Variants in PLB1 observed in about 807,000 individuals in gnomAD.
The protein encoded by PLB1 is phospholipase B1, also known as phospholipase B1, membrane-associated.
PLB1 carries 242 observed loss-of-function variants against 227.4 expected under a neutral mutation model. That is an observed-to-expected ratio of 1.06 (90% confidence interval 0.96 to 1.18). The LOEUF is 1.18. Ranked by LOEUF, PLB1 falls within the 50% of genes most tolerant of loss-of-function variation. PLB1 has a pLI of 0.00. For missense variants in PLB1, 1,858 were observed against 1,816.3 expected (o/e 1.02, Z -0.42); for synonymous variants, 757 against 682.2 (o/e 1.11, Z -1.71).
intron 29 of PLB1, among the ~76,000 whole-genome samples, 158 bp from the exon 30 acceptor site, chr2:28,590,975 C>T (rs1681811197): frequency 1.3e-5 from 2 of 152,330 alleles, no homozygotes; most frequent in African/African-American, 4.8e-5. Flanking sequence ...GAGACGGCCC[C>T]CTGCATCTTG....
intron 43 of PLB1, among the ~76,000 whole-genome samples, chr2:28,612,157 C>A (rs371741066): frequency 2.0e-5 from 3 of 152,156 alleles, no homozygotes; most frequent in South Asian, 4.1e-4. Flanking sequence ...AAAAAGCAAG[C>A]AAGAAAGAAA....
At chr2:28,635,597 C>T (rs538601172) in intron 56 of PLB1, among the ~76,000 whole-genome samples, 1 of 152,376 alleles carries the variant, frequency 6.6e-6, no homozygotes, top group East Asian at 1.9e-4. Context: ...CAGGCTTTGG[C>T]TGATGTTCCC....
chr2:28,640,898 G>T, intron 56 of PLB1, 29 bp from the exon 57 acceptor site: 6 of 1,601,440 alleles, frequency 3.7e-6, no homozygotes, highest in Non-Finnish European at 5.1e-6. Context: ...GCTTTGGAGA[G>T]AATCGAGGTG....
chr2:28,522,977 C>G (rs1013445117), intron 4 of PLB1, among the ~76,000 whole-genome samples: 2 of 152,192 alleles, frequency 1.3e-5, no homozygotes, highest in Non-Finnish European at 2.9e-5. Context: ...GCTGACATCT[C>G]TGCCTTGAGT....
At chr2:28,628,743 C>T (rs1319095294) in intron 52 of PLB1, 115 bp downstream of exon 52, 8 of 1,037,840 alleles carry the variant, frequency 7.7e-6, no homozygotes, top group Non-Finnish European at 1.2e-5. Context: ...GAGTGAGCAC[C>T]TGGATGGCAG....
chr2:28,642,058 G>A (rs1389380991), intron 57 of PLB1, among the ~76,000 whole-genome samples: 1 of 152,170 alleles, frequency 6.6e-6, no homozygotes, highest in Non-Finnish European at 1.5e-5. Flanking sequence ...TCTGCTATGA[G>A]AACATCCGCC....
chr2:28,591,873 C>A, intron 31 of PLB1, 113 bp downstream of exon 31: 2 of 1,085,696 alleles, frequency 1.8e-6, no homozygotes, highest in Non-Finnish European at 2.7e-6. Context: ...ACGGCCAGTG[C>A]TTGCTGTCTG....
intron 49 of PLB1, among the ~76,000 whole-genome samples, chr2:28,624,225 C>T (rs527274242): frequency 6.6e-6 from 1 of 152,310 alleles, no homozygotes; most frequent in South Asian, 2.1e-4. Flanking sequence ...CTTCCTGTCC[C>T]TACCTCACAC....
intron 50 of PLB1, among the ~76,000 whole-genome samples, chr2:28,626,081 T>C (rs1191206374): frequency 6.6e-6 from 1 of 151,776 alleles, no homozygotes; most frequent in Non-Finnish European, 1.5e-5. Context: ...CTGCAGCATC[T>C]GCCTCCTGGG....
chr2:28,496,220 G>A (rs1666416855), intron 1 of PLB1, 51 bp downstream of exon 1: 2 of 1,557,992 alleles, frequency 1.3e-6, no homozygotes, highest in African/African-American at 2.7e-5. Context: ...CCCCGCTGGT[G>A]TCCCATGTTG....
intron 54 of PLB1, 46 bp from the exon 55 acceptor site, chr2:28,631,989 GT>G: frequency 6.6e-7 from 1 of 1,511,848 alleles, no homozygotes; most frequent in Non-Finnish European, 9.2e-7. Context: ...GACCCTGTCT[GT>G]GCAGCCTTGC....
intron 10 of PLB1, 133 bp downstream of exon 10, chr2:28,538,514 C>A: frequency 2.7e-6 from 2 of 741,942 alleles, no homozygotes; most frequent in South Asian, 3.6e-5. Context: ...CTTTAGAGCA[C>A]CCCATCTTCT....
intron 8 of PLB1, among the ~76,000 whole-genome samples, 186 bp downstream of exon 8, chr2:28,529,965 G>T (rs1469419716): frequency 6.6e-6 from 1 of 152,194 alleles, no homozygotes; most frequent in Admixed American, 6.5e-5. Flanking sequence ...ATTCTTTTTT[G>T]TTGTTGTTTA....
At chr2:28,608,728 T>A (rs1045667619) in intron 43 of PLB1, among the ~76,000 whole-genome samples, 3 of 152,188 alleles carry the variant, frequency 2.0e-5, no homozygotes, top group African/African-American at 7.2e-5. Flanking sequence ...TTGACCTCTC[T>A]GAAGCCCTTG....
At position 28,582,920 on chromosome 2, in the gene PLB1, C is replaced by T. The variant is rs532268192; in HGVS notation, c.1733+415C>T. On this transcript the variant is annotated intron_variant, in intron 25 of 57. Coordinates refer to ENST00000327757, the MANE Select transcript of PLB1 (RefSeq NM_153021.5). ...GAGGCCCATCTCTAGGACAGGGGTG[C>T]CTCTGGTTGGTATGGGTGTTCCATG... is the stretch of plus-strand genomic sequence containing the variant. 3.3e-5 allele frequency among the ~76,000 whole-genome samples: 5 copies of T among 152,248 alleles called. No individual in the cohort carries two copies. The South Asian group carries it at 1.0e-3, about 32-fold the overall frequency.
Position 28,640,923 on chromosome 2 carries a change from C to G in PLB1, c.4099-4C>G, listed in dbSNP as rs1573625229. On this transcript the variant is annotated splice_polypyrimidine_tract_variant and splice_region_variant and intron_variant, in intron 56 of 57. Coordinates refer to ENST00000327757, the MANE Select transcript of PLB1 (RefSeq NM_153021.5). ...GAATCGAGGTGTCCTTTCTCTCTCT[C>G]CAGCTGGAACCAGTGGGCCGCAAGA... 1.9e-6 allele frequency: 3 copies of G among 1,613,064 alleles called. No homozygotes were observed. The East Asian group carries it at 6.7e-5, about 36-fold the overall frequency.
chr2:28,574,662 G>T (rs1678628120), intron 21 of PLB1, among the ~76,000 whole-genome samples: 2 of 150,852 alleles, frequency 1.3e-5, no homozygotes, highest in South Asian at 4.2e-4. Context: ...CTCCCAAAGT[G>T]CTGGGATTAC....
At chr2:28,520,639 C>G (rs2148180389) in intron 4 of PLB1, among the ~76,000 whole-genome samples, 1 of 152,258 alleles carries the variant, frequency 6.6e-6, no homozygotes, top group South Asian at 2.1e-4. Context: ...AACTACCATT[C>G]TACTTTCCCT....
chr2:28,541,446 C>T (rs540560562), intron 12 of PLB1, among the ~76,000 whole-genome samples: 2 of 152,314 alleles, frequency 1.3e-5, no homozygotes, highest in Admixed American at 1.3e-4. Flanking sequence ...GCTGTCTTGT[C>T]GTTCCTAAGC....
Sources: allele counts gnomAD v4.1 joint callset (sites outside exome capture counted in the v4.1 genomes callset), GRCh38; gene constraint gnomAD v4.1.1; transcripts MANE v1.5; gene names NCBI Gene and HGNC (gene_info 2026-07-23, HGNC 2026-07-21).